Variants in POLA1 observed in about 807,000 individuals in gnomAD.
POLA1 encodes DNA polymerase alpha catalytic subunit.
In POLA1, 15 loss-of-function variants were observed where a neutral mutation model predicts 124.0. That is an observed-to-expected ratio of 0.12 (90% CI 0.08 to 0.19). POLA1 has a LOEUF of 0.19. Ranked by LOEUF, POLA1 falls within the 10% of genes least tolerant of loss-of-function variation. The pLI is 1.00. For synonymous variants in POLA1, 408 were observed against 389.4 expected (o/e 1.05, Z -0.56); for missense variants, 886 against 1,103.4 (o/e 0.80, Z 2.79).
At chrX:24,975,755 T>A (rs2048358974) in intron 36 of POLA1, among the ~76,000 whole-genome samples, 1 of 112,597 alleles carries the variant, frequency 8.9e-6, no homozygotes, top group Admixed American at 9.4e-5. Context: ...TCTAGAACTG[T>A]GAGATCTGTG....
chrX:24,860,429 G>A (rs2046701576), intron 34 of POLA1, among the ~76,000 whole-genome samples: 1 of 112,468 alleles, frequency 8.9e-6, no homozygotes, highest in Admixed American at 9.4e-5. Context: ...GCACCTAATT[G>A]TCTGACAGAA....
intron 35 of POLA1, among the ~76,000 whole-genome samples, chrX:24,893,135 A>G (rs1036723465): frequency 1.8e-5 from 2 of 111,830 alleles, no homozygotes; most frequent in Non-Finnish European, 3.8e-5. Flanking sequence ...TTCTTTTTTC[A>G]GAAGAAAACA....
At chrX:24,776,596 C>T (rs372895620) in intron 26 of POLA1, among the ~76,000 whole-genome samples, 4 of 111,975 alleles carry the variant, frequency 3.6e-5, no homozygotes, top group African/African-American at 6.5e-5. Flanking sequence ...TGATGACTGT[C>T]AAAACAACTT....
chrX:24,703,431 G>A, intron 3 of POLA1, 84 bp downstream of exon 3: 1 of 660,228 alleles, frequency 1.5e-6, no homozygotes, highest in East Asian at 3.4e-5. Flanking sequence ...CTCATGTGGT[G>A]GAGTTGCTGC....
At chrX:24,783,464 C>G (rs1205081154) in intron 26 of POLA1, among the ~76,000 whole-genome samples, 17 of 111,811 alleles carry the variant, frequency 1.5e-4, no homozygotes, top group Non-Finnish European at 3.2e-4. Flanking sequence ...TCTAGTCAAC[C>G]ATAACCTTAC....
At chrX:24,851,214 G>GAATA (rs1374628468) in intron 34 of POLA1, among the ~76,000 whole-genome samples, 1 of 112,345 alleles carries the variant, frequency 8.9e-6, no homozygotes, top group Non-Finnish European at 1.9e-5. Context: ...CAATAGCACA[G>GAATA]AATACTGCAG....
chrX:24,795,966 C>G (rs2045598635), intron 26 of POLA1, among the ~76,000 whole-genome samples: 1 of 111,485 alleles, frequency 9.0e-6, no homozygotes. Context: ...TCACTTATGA[C>G]TTAGTTTCTC....
rs183093088 is a variant in POLA1, at chrX:24,880,820, G to C, written c.4048-7186G>C. Among the ~76,000 whole-genome samples, 3 of 111,803 alleles carry C rather than the reference G, an allele frequency of 2.7e-5. No homozygotes were observed. The Admixed American group carries it at 2.9e-4, about 11-fold the overall frequency. On this transcript the variant is annotated intron_variant, in intron 34 of 36. Transcript: ENST00000379068. ...ATTTATAAATGGTTTAGGGTGAAAAGAGAGTCTGATGTTCTCAGAGTACAT... is the reference window on the plus strand; with the variant it reads ...ATTTATAAATGGTTTAGGGTGAAAACAGAGTCTGATGTTCTCAGAGTACAT...
At chrX:24,951,467 G>C (rs1373627733) in intron 36 of POLA1, among the ~76,000 whole-genome samples, 3 of 105,328 alleles carry the variant, frequency 2.8e-5, no homozygotes, top group Non-Finnish European at 5.8e-5. Context: ...AATACCACAT[G>C]CTGTAATTCA....
At chrX:24,959,272 TG>T (rs2048142740) in intron 36 of POLA1, among the ~76,000 whole-genome samples, 1 of 111,186 alleles carries the variant, frequency 9.0e-6, no homozygotes, top group African/African-American at 3.3e-5. Context: ...AAGACCAGCC[TG>T]GCTAACATGG....
intron 36 of POLA1, among the ~76,000 whole-genome samples, chrX:24,969,425 T>C (rs1488845950): frequency 9.0e-6 from 1 of 110,512 alleles, no homozygotes; most frequent in Non-Finnish European, 1.9e-5. Context: ...AATTTATCCC[T>C]GCAGGGAAAA....
chrX:24,896,443 GTTTTGGT>G (rs968239486), intron 35 of POLA1, among the ~76,000 whole-genome samples: 3 of 111,123 alleles, frequency 2.7e-5, no homozygotes, highest in Admixed American at 9.5e-5. Context: ...TTTCTTTTTT[GTTTTGGT>G]TTTTGGTTTT....
intron 36 of POLA1, among the ~76,000 whole-genome samples, chrX:24,947,089 G>A (rs185195624): frequency 9.2e-6 from 1 of 109,246 alleles, no homozygotes; most frequent in Admixed American, 9.9e-5. Context: ...AAACCTTTAG[G>A]TTATATAAAT....
intron 26 of POLA1, among the ~76,000 whole-genome samples, chrX:24,757,436 CTTTTTTTTTTTT>C (rs66782103): frequency 3.2e-5 from 2 of 62,143 alleles, no homozygotes; most frequent in Non-Finnish European, 5.5e-5. Flanking sequence ...AAATCTGAAA[CTTTTTTTTTTTT>C]TTTTTTTTTG....
chrX:24,975,376 A>G (rs1349422296), intron 36 of POLA1, among the ~76,000 whole-genome samples: 1 of 112,292 alleles, frequency 8.9e-6, no homozygotes, highest in Non-Finnish European at 1.9e-5. Flanking sequence ...CTTATTTATT[A>G]AATAAATTCA....
chrX:24,767,324 TCCTCCACTCA>T (rs1471123825), intron 26 of POLA1, among the ~76,000 whole-genome samples: 1 of 111,909 alleles, frequency 8.9e-6, no homozygotes. Context: ...GTTTCTCCCC[TCCTCCACTCA>T]GTTTAGTGTG....
chrX:24,936,627 G>A (rs765710160), intron 36 of POLA1, among the ~76,000 whole-genome samples: 12 of 111,466 alleles, frequency 1.1e-4, no homozygotes, highest in Non-Finnish European at 2.3e-4. Context: ...TGCCTCCTGG[G>A]TTCACGCCAT....
chrX:24,790,617 A>G (rs757017461), intron 26 of POLA1, among the ~76,000 whole-genome samples: 13 of 110,784 alleles, frequency 1.2e-4, no homozygotes, highest in Non-Finnish European at 2.5e-4. Context: ...AAAAATCTTT[A>G]TTTCTGTTCC....
At chrX:24,860,748 C>A (rs1317027105) in intron 34 of POLA1, among the ~76,000 whole-genome samples, 1 of 112,331 alleles carries the variant, frequency 8.9e-6, no homozygotes, top group African/African-American at 3.2e-5. Flanking sequence ...TGTTACTTTC[C>A]TTTTGTCTTT....
Sources: allele counts gnomAD v4.1 joint callset (sites outside exome capture counted in the v4.1 genomes callset), GRCh38; gene constraint gnomAD v4.1.1; transcripts MANE v1.5; gene names NCBI Gene and HGNC (gene_info 2026-07-23, HGNC 2026-07-21).